The following NUP214 variants were observed in gnomAD, a reference collection of about 807,000 sequenced individuals.
NUP214 encodes nucleoporin 214, also known as nuclear pore complex protein Nup214.
NUP214 carries 79 observed loss-of-function variants against 196.2 expected under a neutral mutation model. That is an observed-to-expected ratio of 0.40 (90% CI 0.34 to 0.49). NUP214 has a LOEUF of 0.49. NUP214 is among the 20% of genes least tolerant of loss of function. NUP214 has a pLI of 0.58. For missense variants in NUP214, 2,468 were observed against 2,539.0 expected (o/e 0.97, Z 0.60); for synonymous variants, 1,020 against 990.5 (o/e 1.03, Z -0.56).
At chr9:131,192,639 C>G in intron 27 of NUP214, 1 of 182,048 alleles carries the variant, frequency 5.5e-6, no homozygotes. Context: ...CTAGATGTGA[C>G]ATTCAAATTG....
intron 29 of NUP214, 72 bp from the exon 30 acceptor site, chr9:131,201,575 A>AT: frequency 7.8e-7 from 1 of 1,282,954 alleles, no homozygotes; most frequent in Non-Finnish European, 1.1e-6. Flanking sequence ...AAAAAAAAAA[A>AT]CAACAAAACT....
In NUP214 at chr9:131,144,603, G is replaced by A; in HGVS notation, c.1618G>A (p.Ala540Thr). Reference sequence around the variant, plus strand: ...CCCCACCCCTGCAGCGTCTCCTGTGGCTCCATCAGCTGCTTCATTCTCCTT... The same window carrying A: ...CCCCACCCCTGCAGCGTCTCCTGTGACTCCATCAGCTGCTTCATTCTCCTT... ...LAPTPAASPVAPSAASFSFGS... is the reference protein window; with the variant it reads ...LAPTPAASPVTPSAASFSFGS... The change falls in exon 12 of 36, where the codon GCT (alanine) becomes ACT (threonine). Residue 540 changes from alanine to threonine, a missense_variant. Transcript: ENST00000359428. 6.2e-7 allele frequency: 1 copy of A among 1,614,086 alleles called. No individual in the cohort carries two copies. Among genetic ancestry groups the A allele is most frequent in the South Asian group, 1.1e-5 (1 of 91,074 alleles).
intron 10 of NUP214, 61 bp from the exon 11 acceptor site, chr9:131,140,488 C>T (rs1831876493): frequency 2.0e-6 from 3 of 1,481,076 alleles, no homozygotes; most frequent in South Asian, 1.3e-5. Context: ...CAGTCTTTGC[C>T]TTCTGGGCTC....
chr9:131,134,980 A>G lies in NUP214; in HGVS notation c.914A>G (p.Tyr305Cys). 4 of 1,613,012 alleles carry G rather than the reference A, an allele frequency of 2.5e-6. No individual in the cohort carries two copies. The highest frequency in any genetic ancestry group is 3.4e-6 in the Non-Finnish European group (4 of 1,179,002). Residue 305 changes from tyrosine to cysteine, a missense_variant, in exon 8 of 36, where the codon TAC (tyrosine) becomes TGC (cysteine). By Grantham distance (194) the Tyr-to-Cys change is radical. This residue lies in a region of NUP214 where 392 missense variants were observed against 417.9 expected (regional missense o/e 0.94). Transcript: ENST00000359428. ...YGSCTERQHHYYLSYIEEWDL... is the reference protein window; with the variant it reads ...YGSCTERQHHCYLSYIEEWDL... The stretch of plus-strand genomic sequence containing the variant: ...AGCTGCACGGAGAGACAGCATCATT[A>G]CTACCTCAGTTACATTGAGGAATGG...
At chr9:131,131,312 C>T (rs748248305) in intron 5 of NUP214, among the ~76,000 whole-genome samples, 1 of 152,210 alleles carries the variant, frequency 6.6e-6, no homozygotes, top group Non-Finnish European at 1.5e-5. Flanking sequence ...AAAATGGATA[C>T]TCTTGTTGCA....
rs775840508 is a variant in NUP214, at chr9:131,228,332, G to GTAAGCCCCCTGGGGAGGGCCCTT, written c.6074+2_6074+24dup. 5,141 of 1,584,520 alleles carry GTAAGCCCCCTGGGGAGGGCCCTT rather than the reference G, an allele frequency of 3.2e-3. 74 individuals are homozygous for GTAAGCCCCCTGGGGAGGGCCCTT. Among genetic ancestry groups the GTAAGCCCCCTGGGGAGGGCCCTT allele is most frequent in the Non-Finnish European group, 2.2e-3 (2,605 of 1,169,670 alleles). On this transcript the variant is annotated splice_donor_variant, in intron 33 of 35. Coordinates refer to ENST00000359428, the MANE Select transcript of NUP214 (RefSeq NM_005085.4). LOFTEE classifies it high-confidence loss of function. ...CAGCTGCCAGCGCAGGAGGATTCGG[G>GTAAGCCCCCTGGGGAGGGCCCTT]TAAGCCCCCTGGGGAGGGCCCTTGG...
At chr9:131,215,165 C>T (rs761449830) in intron 30 of NUP214, 47 bp from the exon 31 acceptor site, 5 of 1,421,684 alleles carry the variant, frequency 3.5e-6, no homozygotes, top group African/African-American at 1.5e-5. Context: ...TGCCATTTCA[C>T]GATGACCTCT....
At chr9:131,223,723 A>ATTTATTTATTTATTTTAT (rs1554742606) in intron 32 of NUP214, among the ~76,000 whole-genome samples, 3 of 18,968 alleles carry the variant, frequency 1.6e-4, no homozygotes, top group African/African-American at 3.9e-4. Flanking sequence ...TTATTTATTT[A>ATTTATTTATTTATTTTAT]TTTATTTTTT....
intron 32 of NUP214, among the ~76,000 whole-genome samples, chr9:131,225,693 T>C (rs1223857029): frequency 6.6e-6 from 1 of 152,106 alleles, no homozygotes; most frequent in Non-Finnish European, 1.5e-5. Flanking sequence ...GCTTTTTCTA[T>C]TGAAAGAGGG....
chr9:131,198,494 C>T lies in NUP214; in HGVS notation c.5000C>T (p.Ala1667Val), dbSNP rs200267440. 6.2e-7 allele frequency: 1 copy of T among 1,614,252 alleles called. No individual in the cohort carries two copies. Among genetic ancestry groups the T allele is most frequent in the Admixed American group, 1.7e-5 (1 of 60,030 alleles). ...CAGCTCACCAACAACACAGCCACTG[C>T]CCCCTCTGCCACGCCCGTGTTTGGG... ...FNQLTNNTAT[A>V]PSATPVFGQV... Residue 1667 changes from alanine (A) to valine (V), a missense_variant, in exon 29 of 36, where the codon GCC becomes GTC. Physicochemically the swap from Ala to Val is moderately conservative, Grantham distance 64. This residue lies in a region of NUP214 where 1,801 missense variants were observed against 1,779.4 expected (regional missense o/e 1.01). Transcript: ENST00000359428.
chr9:131,133,312 T>TG lies in NUP214; in HGVS notation c.831+103_831+104insG, dbSNP rs1213913943. ...GGTTTTTTTGTGTTTGTGTTTTTTT[T>TG]TTTTTTTTTTGAGACAAGATCTCAC... is the stretch of plus-strand genomic sequence containing the variant. On this transcript the variant is annotated intron_variant, in intron 7 of 35. Transcript: ENST00000359428. The TG allele has an allele frequency of 9.0e-6, 6 of 664,140 alleles. No homozygotes were observed. The African/African-American group carries it at 1.2e-4, about 13-fold the overall frequency. The allele number at this position is 664,140 out of a possible 1,614,324, so 41.1% of individuals were successfully genotyped here. A position where few individuals can be genotyped will look rare whatever the true frequency, so the allele number is the denominator to read the frequency against.
At chr9:131,161,332 A>G (rs1284209404) in intron 18 of NUP214, among the ~76,000 whole-genome samples, 1 of 147,746 alleles carries the variant, frequency 6.8e-6, no homozygotes, top group Admixed American at 6.9e-5. Flanking sequence ...ATCTCGGCTC[A>G]CTGCAACCTC....
In NUP214 at chr9:131,163,030, C is replaced by T. The variant is rs780571998; in HGVS notation, c.2580C>T (p.Thr860=). The change falls in exon 19 of 36, where the codon ACC becomes ACT. Residue 860 remains threonine (T), a synonymous_variant. Transcript: ENST00000359428. ...LVPERETLFN[T]LANNREIINQ... ...CAGAGCGAGAGACACTGTTTAACACCCTAGCCAACAATCGGGAAATCATCA... is the reference window on the plus strand; with the variant it reads ...CAGAGCGAGAGACACTGTTTAACACTCTAGCCAACAATCGGGAAATCATCA... 14 of 1,613,996 alleles carry T rather than the reference C, an allele frequency of 8.7e-6. No individual in the cohort carries two copies. Among genetic ancestry groups the T allele is most frequent in the African/African-American group, 1.3e-5 (1 of 74,898 alleles).
At chr9:131,190,702 A>C (rs752190870) in intron 26 of NUP214, 10 of 412,448 alleles carry the variant, frequency 2.4e-5, no homozygotes, top group African/African-American at 8.3e-5. Context: ...TATAATGTAG[A>C]ATGTGAAAGC....
chr9:131,153,517 C>T (rs896695216), intron 17 of NUP214, among the ~76,000 whole-genome samples: 5 of 152,130 alleles, frequency 3.3e-5, no homozygotes, highest in African/African-American at 7.2e-5. Flanking sequence ...TACAGGCATC[C>T]GCTCTGCATC....
rs1163285130 is a variant in NUP214 at position 131,232,192 on chromosome 9, A to C, written c.6215-92A>C. ...GGAGGCACGGAGGGCTTCCCACAAG[A>C]AGCACAGAGGAGGGCAGACACTTAG... On this transcript the variant is annotated intron_variant, in intron 34 of 35. Transcript: ENST00000359428. The surrounding 1 kb of genome is among the most constrained non-coding windows in gnomAD (Gnocchi z 5.1). 2 of 1,388,608 alleles carry C rather than the reference A, an allele frequency of 1.4e-6. No homozygotes were observed. The highest frequency in any genetic ancestry group is 4.6e-5 in the East Asian group (2 of 43,756). 86.0% of individuals were successfully genotyped at this position (1,388,608 alleles called of 1,614,324 possible).
Position 131,230,551 on chromosome 9 carries a change from C to T in NUP214, c.6075-79C>T, listed in dbSNP as rs949332853. 3.0e-5 allele frequency: 47 copies of T among 1,552,532 alleles called. 1 individual carries two copies. The highest frequency in any genetic ancestry group is 2.4e-4 in the African/African-American group (18 of 73,934). On this transcript the variant is annotated intron_variant, in intron 33 of 35. Coordinates refer to ENST00000359428, the MANE Select transcript of NUP214 (RefSeq NM_005085.4). ...TGAGTGTCGTGTGTATTGGGACTTA[C>T]AGCAGGGGGCTGAGGCTTGCAGATG... is the stretch of plus-strand genomic sequence containing the variant.
intron 25 of NUP214, among the ~76,000 whole-genome samples, chr9:131,188,797 C>T (rs1188996280): frequency 1.3e-5 from 2 of 152,220 alleles, no homozygotes; most frequent in Non-Finnish European, 2.9e-5. Context: ...GGAAGATAGC[C>T]ATGAACTAGG....
intron 34 of NUP214, 89 bp downstream of exon 34, chr9:131,230,858 T>C: frequency 6.9e-7 from 1 of 1,444,062 alleles, no homozygotes; most frequent in Non-Finnish European, 9.3e-7. Flanking sequence ...ACCTGACCAG[T>C]CTGTTTAGTA....
Sources: gnomAD v4.1 joint callset for allele counts (sites outside exome capture counted in the v4.1 genomes callset) on GRCh38, gnomAD v4.1.1 for gene constraint, gnomAD v4.1.1 regional missense constraint, Gnocchi (gnomAD v3.1) non-coding constraint, MANE v1.5 for transcripts, NCBI Gene and HGNC (gene_info 2026-07-23, HGNC 2026-07-21) for gene names.